Variants in PCDH15 observed in about 807,000 individuals in gnomAD.
PCDH15 encodes protocadherin related 15, also known as protocadherin-15.
PCDH15 carries 129 observed loss-of-function variants against 178.5 expected under a neutral mutation model. The ratio of observed to expected loss-of-function variants is 0.72; its 90% CI spans 0.63 to 0.84. The LOEUF is 0.84. Ranked by LOEUF, PCDH15 falls within the 40% of genes least tolerant of loss-of-function variation. The pLI is 0.00. For synonymous variants in PCDH15, 800 were observed against 732.0 expected (o/e 1.09, Z -1.50); for missense variants, 2,230 against 2,099.9 (o/e 1.06, Z -1.21).
At chr10:55,391,923 G>T (rs994382593) in intron 2 of PCDH15, among the ~76,000 whole-genome samples, 1 of 152,118 alleles carries the variant, frequency 6.6e-6, no homozygotes, top group African/African-American at 2.4e-5. Context: ...TTTAGCTTTT[G>T]ATTTAAAGTA....
chr10:55,531,776 G>T (rs1410023672), intron 2 of PCDH15, among the ~76,000 whole-genome samples: 1 of 151,986 alleles, frequency 6.6e-6, no homozygotes, highest in African/African-American at 2.4e-5. Context: ...TAAGCACAAA[G>T]AATTATTTTG....
chr10:55,471,144 A>C (rs1376665581), intron 2 of PCDH15, among the ~76,000 whole-genome samples: 1 of 150,996 alleles, frequency 6.6e-6, no homozygotes, highest in African/African-American at 2.4e-5. Context: ...TTTAGTGTGA[A>C]TATATGTTTT....
chr10:54,389,329 C>A (rs1339334636), intron 3 of PCDH15, among the ~76,000 whole-genome samples: 2 of 152,166 alleles, frequency 1.3e-5, no homozygotes, highest in East Asian at 3.9e-4. Flanking sequence ...ATTTCCATCA[C>A]TCTGAACTTT....
intron 1 of PCDH15, among the ~76,000 whole-genome samples, chr10:54,727,460 A>G (rs1942735041): frequency 4.0e-5 from 6 of 151,272 alleles, no homozygotes; most frequent in Admixed American, 3.3e-4. Context: ...TGTTAAGAGG[A>G]AAGTTTCTAG....
At chr10:53,924,439 C>G (rs1043519990) in intron 25 of PCDH15, among the ~76,000 whole-genome samples, 1 of 152,176 alleles carries the variant, frequency 6.6e-6, no homozygotes, top group Non-Finnish European at 1.5e-5. Flanking sequence ...TTGGGACCTG[C>G]AGCCCGCCAT....
At chr10:54,282,902 T>C (rs1047677162) in intron 8 of PCDH15, among the ~76,000 whole-genome samples, 1 of 152,130 alleles carries the variant, frequency 6.6e-6, no homozygotes, top group Non-Finnish European at 1.5e-5. Flanking sequence ...GGGCAGAATG[T>C]TAAAGAGATT....
intron 2 of PCDH15, among the ~76,000 whole-genome samples, chr10:54,663,201 T>C (rs1392646821): frequency 6.6e-6 from 1 of 151,922 alleles, no homozygotes; most frequent in Non-Finnish European, 1.5e-5. Flanking sequence ...TATCTTCTGA[T>C]CAATCAGTTT....
intron 13 of PCDH15, among the ~76,000 whole-genome samples, chr10:54,174,904 T>C (rs1183352381): frequency 6.6e-6 from 1 of 151,996 alleles, no homozygotes; most frequent in Non-Finnish European, 1.5e-5. Context: ...TCAATTAAAG[T>C]CCTAAGCATG....
chr10:55,034,326 G>A (rs532722021), intron 2 of PCDH15, among the ~76,000 whole-genome samples: 1 of 152,238 alleles, frequency 6.6e-6, no homozygotes, highest in Middle Eastern at 3.4e-3. Flanking sequence ...CTAACAGTGA[G>A]AGTTGAATGT....
chr10:53,868,501 T>C (rs1229623183), intron 26 of PCDH15, among the ~76,000 whole-genome samples: 1 of 152,172 alleles, frequency 6.6e-6, no homozygotes, highest in African/African-American at 2.4e-5. Context: ...ATGCAGTAGG[T>C]ACTAGCCAAA....
intron 18 of PCDH15, among the ~76,000 whole-genome samples, chr10:54,065,482 T>A (rs910457191): frequency 6.6e-6 from 1 of 152,188 alleles, no homozygotes; most frequent in African/African-American, 2.4e-5. Flanking sequence ...CAGTAAGCCA[T>A]TGGACACCAG....
chr10:55,477,342 T>A (rs1017888262), intron 2 of PCDH15, among the ~76,000 whole-genome samples: 6 of 151,848 alleles, frequency 4.0e-5, no homozygotes, highest in Non-Finnish European at 8.8e-5. Context: ...TGTGGTTAAA[T>A]AATGAAGGAC....
At chr10:53,927,264 A>C (rs2084647576) in intron 25 of PCDH15, among the ~76,000 whole-genome samples, 1 of 152,108 alleles carries the variant, frequency 6.6e-6, no homozygotes, top group African/African-American at 2.4e-5. Flanking sequence ...ATAATAAGTA[A>C]TATCTAATTT....
chr10:54,735,237 T>G (rs957309420), intron 1 of PCDH15, among the ~76,000 whole-genome samples: 2 of 152,084 alleles, frequency 1.3e-5, no homozygotes, highest in Non-Finnish European at 2.9e-5. Flanking sequence ...TTGACCAATT[T>G]GGTTAATTCT....
intron 2 of PCDH15, among the ~76,000 whole-genome samples, chr10:54,900,174 A>G (rs1591771288): frequency 6.6e-6 from 1 of 152,336 alleles, no homozygotes; most frequent in East Asian, 1.9e-4. Flanking sequence ...GACAACTGGA[A>G]TATATCAGTA....
At chr10:55,092,454 A>G (rs1842341251) in intron 2 of PCDH15, among the ~76,000 whole-genome samples, 1 of 151,954 alleles carries the variant, frequency 6.6e-6, no homozygotes, top group East Asian at 1.9e-4. Flanking sequence ...AAAGGTATTT[A>G]GAAAAAAATT....
chr10:55,225,330 T>C (rs1336839518), intron 1 of PCDH15, among the ~76,000 whole-genome samples: 1 of 152,116 alleles, frequency 6.6e-6, no homozygotes, highest in East Asian at 1.9e-4. Flanking sequence ...TAACCTAAGC[T>C]TTTAAGTTAC....
At chr10:53,946,660 A>G (rs530047091) in intron 23 of PCDH15, among the ~76,000 whole-genome samples, 1 of 152,366 alleles carries the variant, frequency 6.6e-6, no homozygotes, top group East Asian at 1.9e-4. Context: ...AATAACTCCA[A>G]AATGGTTTAA....
intron 3 of PCDH15, 116 bp downstream of exon 3, chr10:54,527,696 C>T: frequency 1.5e-6 from 1 of 671,842 alleles, no homozygotes; most frequent in Non-Finnish European, 2.4e-6. Context: ...GGGGAATTAT[C>T]CATGGATTTG....
Sources: allele counts gnomAD v4.1 joint callset (sites outside exome capture counted in the v4.1 genomes callset), GRCh38; gene constraint gnomAD v4.1.1; transcripts MANE v1.5; gene names NCBI Gene and HGNC (gene_info 2026-07-23, HGNC 2026-07-21).